Variants in DPP10 observed in about 807,000 individuals in gnomAD.
DPP10 encodes inactive dipeptidyl peptidase 10.
In DPP10, 33 loss-of-function variants were observed where a neutral mutation model predicts 120.9. That is an observed-to-expected ratio of 0.27 (90% CI 0.21 to 0.37). The LOEUF (loss-of-function observed/expected upper bound fraction) is 0.37, where lower values mean the gene tolerates loss of function less well. Among genes scored for constraint, DPP10 ranks in the 10% least tolerant of loss-of-function variants. DPP10 has a pLI of 1.00. For synonymous variants in DPP10, 337 were observed against 326.1 expected (o/e 1.03, Z -0.36); for missense variants, 816 against 942.8 (o/e 0.87, Z 1.76).
At chr2:114,664,553 AG>A (rs2105580971) in intron 1 of DPP10, among the ~76,000 whole-genome samples, 1 of 147,038 alleles carries the variant, frequency 6.8e-6, no homozygotes, top group Admixed American at 7.1e-5. Flanking sequence ...CACTTAAACC[AG>A]GGAGGCGGAG....
At chr2:115,441,817 C>CT (rs561102084) in intron 3 of DPP10, among the ~76,000 whole-genome samples, 13,006 of 124,438 alleles carry the variant, frequency 0.1, 786 homozygotes, top group African/African-American at 0.14. Flanking sequence ...TTCTTTCTTT[C>CT]TTTTTTTTTT....
chr2:114,731,089 A>G (rs1676867113), intron 1 of DPP10, among the ~76,000 whole-genome samples: 1 of 151,898 alleles, frequency 6.6e-6, no homozygotes, highest in Admixed American at 6.6e-5. Context: ...TAATTCATTC[A>G]TCTCCACTGT....
intron 4 of DPP10, among the ~76,000 whole-genome samples, chr2:115,518,042 A>G (rs997007952): frequency 6.6e-6 from 1 of 152,176 alleles, no homozygotes; most frequent in African/African-American, 2.4e-5. Flanking sequence ...GGAAGCAAGA[A>G]AAAGAGAGAG....
At chr2:114,507,809 G>C (rs189551681) in intron 1 of DPP10, among the ~76,000 whole-genome samples, 1 of 152,088 alleles carries the variant, frequency 6.6e-6, no homozygotes, top group Non-Finnish European at 1.5e-5. Flanking sequence ...ACTCTGCAGG[G>C]TTGCTATAAG....
chr2:115,625,930 A>G (rs1462724972), intron 5 of DPP10, among the ~76,000 whole-genome samples: 1 of 152,036 alleles, frequency 6.6e-6, no homozygotes, highest in Non-Finnish European at 1.5e-5. Flanking sequence ...CAAATAAGGA[A>G]AAATAAGAAT....
chr2:114,609,514 A>T (rs538540998), intron 1 of DPP10, among the ~76,000 whole-genome samples: 7 of 152,176 alleles, frequency 4.6e-5, no homozygotes, highest in Non-Finnish European at 8.8e-5. Context: ...ATGGGACAAG[A>T]GTCAGGAGGT....
At chr2:114,466,770 G>A (rs933310678) in intron 1 of DPP10, among the ~76,000 whole-genome samples, 30 of 152,108 alleles carry the variant, frequency 2.0e-4, no homozygotes, top group Non-Finnish European at 3.2e-4. Context: ...TTGGCAGGGC[G>A]CGATGGCTCA....
At chr2:115,356,847 T>G (rs1399199235) in intron 3 of DPP10, among the ~76,000 whole-genome samples, 1 of 152,182 alleles carries the variant, frequency 6.6e-6, no homozygotes, top group Non-Finnish European at 1.5e-5. Flanking sequence ...GGTGTCTTCT[T>G]GGTAGAATGA....
At chr2:115,762,336 G>C (rs1467168087) in intron 11 of DPP10, among the ~76,000 whole-genome samples, 1 of 151,926 alleles carries the variant, frequency 6.6e-6, no homozygotes, top group Non-Finnish European at 1.5e-5. Context: ...GTGAGGTACT[G>C]CTGGGAATTC....
chr2:115,169,910 T>C (rs1374226721), intron 1 of DPP10, among the ~76,000 whole-genome samples: 1 of 152,180 alleles, frequency 6.6e-6, no homozygotes, highest in Non-Finnish European at 1.5e-5. Context: ...TTATTATTCT[T>C]ATCCCCACTC....
intron 1 of DPP10, among the ~76,000 whole-genome samples, chr2:115,020,332 T>C (rs558271000): frequency 6.6e-6 from 1 of 152,112 alleles, no homozygotes; most frequent in Non-Finnish European, 1.5e-5. Flanking sequence ...TCCACACAAA[T>C]GAACACCAAA....
chr2:115,400,063 C>A (rs905368803), intron 3 of DPP10, among the ~76,000 whole-genome samples: 3 of 152,062 alleles, frequency 2.0e-5, no homozygotes, highest in Non-Finnish European at 4.4e-5. Context: ...GTGCTACACA[C>A]TTTTAAATGA....
chr2:115,524,534 C>G (rs2078012633), intron 4 of DPP10, among the ~76,000 whole-genome samples: 2 of 152,116 alleles, frequency 1.3e-5, no homozygotes, highest in South Asian at 4.1e-4. Flanking sequence ...CCTTATCATT[C>G]AGAGTTTCTA....
At chr2:115,296,486 G>A (rs2060890272) in intron 1 of DPP10, among the ~76,000 whole-genome samples, 1 of 152,018 alleles carries the variant, frequency 6.6e-6, no homozygotes, top group African/African-American at 2.4e-5. Flanking sequence ...TGTTCATCTT[G>A]AAGAGAGAGC....
intron 1 of DPP10, among the ~76,000 whole-genome samples, chr2:114,764,440 C>T (rs1212353675): frequency 4.0e-5 from 6 of 151,892 alleles, no homozygotes; most frequent in South Asian, 2.1e-4. Context: ...CCTAGAAAGA[C>T]ATTAGAATTG....
At chr2:114,956,975 CTA>C (rs1698255622) in intron 1 of DPP10, among the ~76,000 whole-genome samples, 1 of 116,510 alleles carries the variant, frequency 8.6e-6, no homozygotes, top group Admixed American at 9.5e-5. Context: ...ACCTAAAACT[CTA>C]AAACTATTCA....
chr2:114,850,684 TGAGAATGGG>T (rs1209831433), intron 1 of DPP10, among the ~76,000 whole-genome samples: 2 of 152,136 alleles, frequency 1.3e-5, no homozygotes, highest in African/African-American at 4.8e-5. Flanking sequence ...CTTCCAGACT[TGAGAATGGG>T]GAGTCCACTT....
intron 3 of DPP10, among the ~76,000 whole-genome samples, chr2:115,347,404 G>C (rs1378665218): frequency 6.6e-6 from 1 of 152,114 alleles, no homozygotes; most frequent in South Asian, 2.1e-4. Flanking sequence ...CCTTGTGACA[G>C]CTCCTACACA....
At chr2:115,162,551 G>A (rs1422444907) in intron 1 of DPP10, among the ~76,000 whole-genome samples, 1 of 152,150 alleles carries the variant, frequency 6.6e-6, no homozygotes. Context: ...GTGTTTGTGA[G>A]GTGGGGATGG....
Sources: gnomAD v4.1 joint callset for allele counts (sites outside exome capture counted in the v4.1 genomes callset) on GRCh38, gnomAD v4.1.1 for gene constraint, MANE v1.5 for transcripts, NCBI Gene and HGNC (gene_info 2026-07-23, HGNC 2026-07-21) for gene names.